The following MATN2 variants were observed in gnomAD, a reference collection of about 807,000 sequenced individuals.
MATN2 encodes the protein matrilin-2.
Under a neutral mutation model 103.2 loss-of-function variants are expected in MATN2, and 69 were observed. That is an observed-to-expected ratio of 0.67 (90% confidence interval 0.55 to 0.82). The LOEUF is 0.82. Ranked by LOEUF, MATN2 falls within the 40% of genes least tolerant of loss-of-function variation. MATN2 has a pLI of 0.00. For synonymous variants in MATN2, 429 were observed against 450.2 expected (o/e 0.95, Z 0.60); for missense variants, 1,023 against 1,211.5 (o/e 0.84, Z 2.31).
chr8:97,876,827 A>G (rs1818089826), intron 1 of MATN2, among the ~76,000 whole-genome samples: 1 of 152,044 alleles, frequency 6.6e-6, no homozygotes, highest in African/African-American at 2.4e-5. Context: ...ATGATTGTGG[A>G]TACATTTTTT....
chr8:97,872,722 C>T (rs1817937521), intron 1 of MATN2, among the ~76,000 whole-genome samples: 1 of 152,046 alleles, frequency 6.6e-6, no homozygotes, highest in Non-Finnish European at 1.5e-5. Flanking sequence ...CTCCCTCTTA[C>T]AAAACCATAC....
At chr8:97,959,121 G>A (rs554271368) in intron 4 of MATN2, among the ~76,000 whole-genome samples, 3 of 152,182 alleles carry the variant, frequency 2.0e-5, no homozygotes, top group African/African-American at 4.8e-5. Context: ...GTCCTACCTC[G>A]CATGTTAGTT....
intron 2 of MATN2, among the ~76,000 whole-genome samples, chr8:97,891,525 A>G (rs1012813763): frequency 1.7e-4 from 26 of 152,008 alleles, no homozygotes; most frequent in Admixed American, 1.6e-3. Context: ...TTTTGTAGAG[A>G]CAGGGTTTCG....
chr8:97,880,722 C>T (rs911386678), intron 1 of MATN2, among the ~76,000 whole-genome samples: 3 of 152,100 alleles, frequency 2.0e-5, no homozygotes, highest in African/African-American at 7.2e-5. Context: ...AATAAATATC[C>T]TCCTCAACCC....
chr8:97,924,882 C>T (rs1251935417), intron 2 of MATN2, among the ~76,000 whole-genome samples: 2 of 152,084 alleles, frequency 1.3e-5, no homozygotes, highest in Non-Finnish European at 2.9e-5. Flanking sequence ...AGGACAAAAT[C>T]ATTTCATATT....
intron 5 of MATN2, among the ~76,000 whole-genome samples, chr8:97,964,609 A>AT (rs2130267545): frequency 6.6e-6 from 1 of 150,824 alleles, no homozygotes; most frequent in South Asian, 2.1e-4. Context: ...CAGCTAATTT[A>AT]TTTTTTGTAG....
At chr8:97,949,998 G>T (rs1228518699) in intron 4 of MATN2, among the ~76,000 whole-genome samples, 1 of 152,162 alleles carries the variant, frequency 6.6e-6, no homozygotes, top group African/African-American at 2.4e-5. Flanking sequence ...GGGTGCTTGG[G>T]GCCAAGGAGT....
At chr8:97,885,659 T>G (rs1586375796) in intron 1 of MATN2, among the ~76,000 whole-genome samples, 1 of 151,630 alleles carries the variant, frequency 6.6e-6, no homozygotes, top group Non-Finnish European at 1.5e-5. Context: ...ATAGGCTGGG[T>G]GTGTTGGCTC....
In MATN2 at chr8:98,033,064, T is replaced by A. The variant is rs1282939919; in HGVS notation, c.2604T>A (p.Asn868Lys). ...CAGAATCTGAGCCAGTCACCATAAATATCCAAGACCTACTTTCCTGTTCTA... is the reference window on the plus strand; with the variant it reads ...CAGAATCTGAGCCAGTCACCATAAAAATCCAAGACCTACTTTCCTGTTCTA... Reference protein sequence around the residue: ...QPTESEPVTINIQDLLSCSNF... With the variant: ...QPTESEPVTIKIQDLLSCSNF... The change falls in exon 17 of 19, where the codon AAT (asparagine) becomes AAA (lysine). Residue 868 changes from asparagine (N) to lysine (K), a missense_variant. Physicochemically the swap from Asn to Lys is moderately conservative, Grantham distance 94 (BLOSUM62 0). Transcript: ENST00000254898. 1.2e-6 allele frequency: 2 copies of A among 1,610,002 alleles called. No homozygotes were observed. The highest frequency in any genetic ancestry group is 2.7e-5 in the African/African-American group (2 of 74,704).
At chr8:97,929,083 G>A (rs4735511) in intron 2 of MATN2, among the ~76,000 whole-genome samples, 2 of 151,886 alleles carry the variant, frequency 1.3e-5, no homozygotes, top group East Asian at 3.9e-4. Context: ...CAGCCCTCAG[G>A]GTTATGCATG....
intron 8 of MATN2, among the ~76,000 whole-genome samples, chr8:98,004,857 C>T (rs562260770): frequency 2.0e-5 from 3 of 152,276 alleles, no homozygotes; most frequent in African/African-American, 7.2e-5. Flanking sequence ...CTGGGCGGCT[C>T]CATGGTTTTT....
chr8:97,983,284 A>T (rs2130322692), intron 6 of MATN2, among the ~76,000 whole-genome samples: 1 of 152,246 alleles, frequency 6.6e-6, no homozygotes, highest in Non-Finnish European at 1.5e-5. Context: ...CCATCTGTTG[A>T]TGGACGTTTG....
At chr8:98,003,286 AT>A (rs1206949672) in intron 7 of MATN2, among the ~76,000 whole-genome samples, 5 of 151,638 alleles carry the variant, frequency 3.3e-5, no homozygotes, top group African/African-American at 1.2e-4. Flanking sequence ...TCCCTTACCT[AT>A]GGAACTCCTC....
intron 4 of MATN2, among the ~76,000 whole-genome samples, chr8:97,942,965 C>T (rs1214253746): frequency 6.6e-6 from 1 of 152,054 alleles, no homozygotes; most frequent in Non-Finnish European, 1.5e-5. Context: ...AAACCCAAAG[C>T]CCTCTGGACT....
At chr8:97,876,901 G>A (rs545981924) in intron 1 of MATN2, among the ~76,000 whole-genome samples, 56 of 151,830 alleles carry the variant, frequency 3.7e-4, no homozygotes, top group African/African-American at 1.1e-3. Flanking sequence ...TTAATATGCC[G>A]TAATTAATTC....
At chr8:98,022,813 C>A (rs138779691) in intron 13 of MATN2, among the ~76,000 whole-genome samples, 1 of 152,120 alleles carries the variant, frequency 6.6e-6, no homozygotes, top group Admixed American at 6.5e-5. Context: ...CTCGGCCGGG[C>A]GCTATGGCTA....
At chr8:97,893,895 G>A (rs1221324158) in intron 2 of MATN2, among the ~76,000 whole-genome samples, 1 of 152,196 alleles carries the variant, frequency 6.6e-6, no homozygotes, top group Non-Finnish European at 1.5e-5. Flanking sequence ...CAGTCAGCCA[G>A]CTTGTGGTCT....
intron 8 of MATN2, among the ~76,000 whole-genome samples, chr8:98,006,362 A>G (rs993968289): frequency 6.6e-6 from 1 of 152,250 alleles, no homozygotes; most frequent in Non-Finnish European, 1.5e-5. Flanking sequence ...GTGTTCATTA[A>G]GTGGTTGCTG....
intron 4 of MATN2, among the ~76,000 whole-genome samples, chr8:97,955,869 T>C (rs1811128396): frequency 1.3e-5 from 2 of 152,186 alleles, no homozygotes; most frequent in Admixed American, 1.3e-4. Context: ...CGGGATGCAG[T>C]GGATAGCAGG....
Sources: gnomAD v4.1 joint callset for allele counts (sites outside exome capture counted in the v4.1 genomes callset) on GRCh38, gnomAD v4.1.1 for gene constraint, MANE v1.5 for transcripts, NCBI Gene and HGNC (gene_info 2026-07-23, HGNC 2026-07-21) for gene names.